Variants in KCNJ14 observed in about 807,000 individuals in gnomAD.
The protein encoded by KCNJ14 is potassium inwardly rectifying channel subfamily J member 14, also known as ATP-sensitive inward rectifier potassium channel 14.
In KCNJ14, 18 loss-of-function variants were observed where a neutral mutation model predicts 24.5. The observed-to-expected ratio is 0.74, with a 90% CI of 0.51 to 1.09. KCNJ14 has a LOEUF of 1.09. Among genes scored for constraint, KCNJ14 ranks in the 50% least tolerant of loss-of-function variants. KCNJ14 has a pLI of 0.00. For missense variants in KCNJ14, 633 were observed against 623.0 expected (o/e 1.02, Z -0.17); for synonymous variants, 288 against 270.8 (o/e 1.06, Z -0.63).
intron 1 of KCNJ14, among the ~76,000 whole-genome samples, chr19:48,457,671 G>C (rs1971554152): frequency 6.6e-6 from 1 of 151,998 alleles, no homozygotes; most frequent in African/African-American, 2.4e-5. Flanking sequence ...CAATTGTGCA[G>C]CCATCACAAT....
In KCNJ14 at chr19:48,462,172, T is replaced by C. The variant is rs1428543417; in HGVS notation, c.448T>C (p.Tyr150His). Residue 150 changes from tyrosine (Y) to histidine (H), a missense_variant, in exon 2 of 3, where the codon TAC becomes CAC. Tyr to His is a moderately conservative substitution (Grantham distance 83, BLOSUM62 2). Transcript: ENST00000342291. This position sits in a 1 kb window ranked among gnomAD's most constrained non-coding sequence, Gnocchi z 4.9. Reference sequence around the variant, plus strand: ...GCTGGAGACGCAGACGTCCATCGGCTACGGCGTGCGCAGCGTCACCGAGGA... The same window carrying C: ...GCTGGAGACGCAGACGTCCATCGGCCACGGCGTGCGCAGCGTCACCGAGGA... ...FALETQTSIG[Y>H]GVRSVTEECP... 6.4e-7 allele frequency: 1 copy of C among 1,570,534 alleles called. No individual in the cohort carries two copies. The highest frequency in any genetic ancestry group is 8.6e-7 in the Non-Finnish European group (1 of 1,158,676).
chr19:48,464,033 C>A, intron 2 of KCNJ14, 148 bp from the exon 3 acceptor site: 1 of 643,216 alleles, frequency 1.6e-6, no homozygotes. Context: ...CTCTGGGTTG[C>A]CGGCCCCATC....
At chr19:48,459,387 T>C (rs1359638728) in intron 1 of KCNJ14, among the ~76,000 whole-genome samples, 1 of 152,092 alleles carries the variant, frequency 6.6e-6, no homozygotes, top group Non-Finnish European at 1.5e-5. Context: ...GTGGGTTGTC[T>C]TTTCCCTTTC....
Position 48,462,954 on chromosome 19 carries a change from A to G in KCNJ14, c.714+516A>G, listed in dbSNP as rs1434486889. On this transcript the variant is annotated intron_variant, in intron 2 of 2. Coordinates refer to ENST00000342291, the MANE Select transcript of KCNJ14 (RefSeq NM_013348.4). This position sits in a 1 kb window ranked among gnomAD's most constrained non-coding sequence, Gnocchi z 4.9. Reference sequence around the variant, plus strand: ...GAATGGGTGCAGCTCATCGCTGTGGAGCACAGTTCTCCAGGCCTCTAGGTG... The same window carrying G: ...GAATGGGTGCAGCTCATCGCTGTGGGGCACAGTTCTCCAGGCCTCTAGGTG... Among the ~76,000 whole-genome samples, 1 of 152,126 alleles carries G rather than the reference A, an allele frequency of 6.6e-6. No homozygotes were observed. Among genetic ancestry groups the G allele is most frequent in the African/African-American group, 2.4e-5 (1 of 41,418 alleles).
At chr19:48,463,766 T>C (rs959975597) in intron 2 of KCNJ14, among the ~76,000 whole-genome samples, 1 of 152,252 alleles carries the variant, frequency 6.6e-6, no homozygotes, top group Admixed American at 6.5e-5. Context: ...TATTTTCCGT[T>C]GTCGCTTTGA....
At position 48,461,649 on chromosome 19, in the gene KCNJ14, TC is replaced by T; in HGVS notation, c.-55-20del. ...ATCCATTCCTGTTGCCCCTGACGTT[TC>T]TGCCGGTTTCTTGTCCCAGCAGGTT... On this transcript the variant is annotated intron_variant, in intron 1 of 2. Coordinates refer to ENST00000342291, the MANE Select transcript of KCNJ14 (RefSeq NM_013348.4). The T allele has an allele frequency of 1.1e-6, 1 of 899,474 alleles. No homozygotes were observed. The highest frequency in any genetic ancestry group is 3.1e-5 in the East Asian group (1 of 32,296). 55.7% of individuals were successfully genotyped at this position (899,474 alleles called of 1,614,324 possible).
At chr19:48,461,577 A>G (rs965801328) in intron 1 of KCNJ14, 93 bp from the exon 2 acceptor site, 19 of 422,796 alleles carry the variant, frequency 4.5e-5, no homozygotes, top group African/African-American at 4.0e-4. Context: ...TATTTGACAG[A>G]TGAGGCCACT....
chr19:48,458,547 C>T (rs1971560198), intron 1 of KCNJ14, among the ~76,000 whole-genome samples: 2 of 152,078 alleles, frequency 1.3e-5, no homozygotes, highest in Non-Finnish European at 2.9e-5. Context: ...GTAGCTGGGA[C>T]TACAGATGTG....
In KCNJ14 at chr19:48,466,442, ATATC is replaced by A. The variant is rs561529948; in HGVS notation, c.*1673_*1676del. ...TTATATATATGTAATATAAATACAG[ATATC>A]TATCTATTTTTTCCCTTGGTCCCTA... is the stretch of plus-strand genomic sequence containing the variant. On this transcript the variant is annotated 3_prime_UTR_variant, in exon 3 of 3. Coordinates refer to ENST00000342291, the MANE Select transcript of KCNJ14 (RefSeq NM_013348.4). The A allele has an allele frequency of 4.6e-5, 7 of 152,066 alleles. No homozygotes were observed. Among genetic ancestry groups the A allele is most frequent in the African/African-American group, 9.6e-5 (4 of 41,496 alleles). 9.4% of individuals were successfully genotyped at this position (152,066 alleles called of 1,614,324 possible).
At position 48,462,401 on chromosome 19, in the gene KCNJ14, A is replaced by C; in HGVS notation, c.677A>C (p.His226Pro). 1 of 1,512,458 alleles carries C rather than the reference A, an allele frequency of 6.6e-7. No homozygotes were observed. The highest frequency in any genetic ancestry group is 8.9e-7 in the Non-Finnish European group (1 of 1,124,824). 93.7% of individuals were successfully genotyped at this position (1,512,458 alleles called of 1,614,324 possible). Residue 226 changes from histidine to proline, a missense_variant, in exon 2 of 3, where the codon CAC becomes CCC. By Grantham distance (77) the His-to-Pro change is moderately conservative. Coordinates refer to ENST00000342291, the MANE Select transcript of KCNJ14 (RefSeq NM_013348.4). The surrounding 1 kb of genome is among the most constrained non-coding windows in gnomAD (Gnocchi z 4.9). ...CGCGTCGGCAACCTGCGCCGCAGCC[A>C]CCTGGTCGAGGCCCACGTGCGTGCC... Reference protein sequence around the residue: ...MWRVGNLRRSHLVEAHVRAQL... With the variant: ...MWRVGNLRRSPLVEAHVRAQL...
chr19:48,459,465 ACT>A (rs1014162323), intron 1 of KCNJ14, among the ~76,000 whole-genome samples: 3 of 152,128 alleles, frequency 2.0e-5, no homozygotes, highest in Admixed American at 2.0e-4. Context: ...TACAGTCGTA[ACT>A]CACTGCAGCC....
At chr19:48,463,126 T>A (rs1234885542) in intron 2 of KCNJ14, among the ~76,000 whole-genome samples, 2 of 152,090 alleles carry the variant, frequency 1.3e-5, no homozygotes, top group African/African-American at 4.8e-5. Context: ...ACTGGCTCCC[T>A]CCCTGCCCTG....
intron 2 of KCNJ14, among the ~76,000 whole-genome samples, 176 bp from the exon 3 acceptor site, chr19:48,464,005 C>G (rs1971628266): frequency 6.6e-6 from 1 of 152,132 alleles, no homozygotes; most frequent in Admixed American, 6.5e-5. Context: ...CCTCCCCTGC[C>G]TCTCTGACTT....
chr19:48,459,197 G>A (rs1283902333), intron 1 of KCNJ14, among the ~76,000 whole-genome samples: 1 of 140,492 alleles, frequency 7.1e-6, no homozygotes, highest in East Asian at 2.1e-4. Flanking sequence ...CCGAGATGGC[G>A]CCACTGCACT....
At chr19:48,459,411 T>C (rs956568534) in intron 1 of KCNJ14, among the ~76,000 whole-genome samples, 4 of 152,242 alleles carry the variant, frequency 2.6e-5, no homozygotes, top group South Asian at 2.1e-4. Context: ...AAAAGCTTTT[T>C]TGAGACATGG....
Position 48,464,957 on chromosome 19 carries a change from T to C in KCNJ14, c.*180T>C. On this transcript the variant is annotated 3_prime_UTR_variant, in exon 3 of 3. Transcript: ENST00000342291. ...GACCCACCATGGACATACTGGACCT[T>C]AATTCCTCTGCTTCTGTGCTCCCTC... is the stretch of plus-strand genomic sequence containing the variant. 1.7e-6 allele frequency: 1 copy of C among 597,810 alleles called. No individual in the cohort carries two copies. 37.0% of individuals were successfully genotyped at this position (597,810 alleles called of 1,614,324 possible).
chr19:48,459,097 C>CCGGGCGTAG (rs1351670422), intron 1 of KCNJ14, among the ~76,000 whole-genome samples: 1 of 150,864 alleles, frequency 6.6e-6, no homozygotes, highest in East Asian at 2.0e-4. Flanking sequence ...AAAAAATTAG[C>CCGGGCGTAG]CGGGCGTAGT....
At position 48,461,550 on chromosome 19, in the gene KCNJ14, A is replaced by AAAAAAG. The variant is rs370425889; in HGVS notation, c.-55-120_-55-119insAAAAAG. On this transcript the variant is annotated intron_variant, in intron 1 of 2. Transcript: ENST00000342291. ...CTCCAAAAAAAAAAAAAAAAAAAAA[A>AAAAAAG]TGCGTATCGTTCCACCTATTTGACA... 561 of 351,130 alleles carry AAAAAAG rather than the reference A, an allele frequency of 1.6e-3. 35 individuals carry two copies. Among genetic ancestry groups the AAAAAAG allele is most frequent in the African/African-American group, 7.9e-3 (259 of 32,648 alleles). 21.8% of individuals were successfully genotyped at this position (351,130 alleles called of 1,614,324 possible).
Position 48,462,071 on chromosome 19 carries a change from G to T in KCNJ14, c.347G>T (p.Gly116Val). The change falls in exon 2 of 3, where the codon GGC becomes GTC. Residue 116 changes from glycine to valine, a missense_variant. By Grantham distance (109) the Gly-to-Val change is moderately radical. Coordinates refer to ENST00000342291, the MANE Select transcript of KCNJ14 (RefSeq NM_013348.4). This position sits in a 1 kb window ranked among gnomAD's most constrained non-coding sequence, Gnocchi z 4.9. Reference protein sequence around the residue: ...LAFWLIASLHGDLAAPPPPAP... With the variant: ...LAFWLIASLHVDLAAPPPPAP... ...TTCTGGCTCATTGCCTCGCTGCACG[G>T]CGACCTGGCCGCCCCGCCACCGCCC... 1 of 1,607,826 alleles carries T rather than the reference G, an allele frequency of 6.2e-7. No homozygotes were observed.
Sources: allele counts gnomAD v4.1 joint callset (sites outside exome capture counted in the v4.1 genomes callset), GRCh38; gene constraint gnomAD v4.1.1; non-coding constraint Gnocchi (gnomAD v3.1); transcripts MANE v1.5; gene names NCBI Gene and HGNC (gene_info 2026-07-23, HGNC 2026-07-21).